The following SCGN variants were observed in gnomAD, a reference collection of about 807,000 sequenced individuals.
The protein encoded by SCGN is secretagogin, EF-hand calcium binding protein, also known as secretagogin.
SCGN carries 30 observed loss-of-function variants against 39.7 expected under a neutral mutation model. That is an observed-to-expected ratio of 0.76 (90% CI 0.57 to 1.03). The LOEUF (loss-of-function observed/expected upper bound fraction) is 1.03, where lower values mean the gene tolerates loss of function less well. Among genes scored for constraint, SCGN ranks in the 50% least tolerant of loss-of-function variants. SCGN has a pLI of 0.00. For missense variants in SCGN, 353 were observed against 349.4 expected, an observed-to-expected ratio of 1.01 and a Z score of -0.08; for synonymous variants, 106 against 114.1, an observed-to-expected ratio of 0.93 and a Z score of 0.45.
chr6:25,663,538 C>CAAGGTG (rs1760376745), intron 3 of SCGN, among the ~76,000 whole-genome samples: 1 of 152,092 alleles, frequency 6.6e-6, no homozygotes, highest in Admixed American at 6.5e-5. Flanking sequence ...TTAGTCTTCC[C>CAAGGTG]ATCAGGACCA....
chr6:25,653,467 AC>A lies in SCGN; in HGVS notation c.153+16del. ...TGGGTACTGATGTAAGTACTTGCAC[AC>A]TAAGCCTTAATTTATGCCTCTTAGT... is the stretch of plus-strand genomic sequence containing the variant. On this transcript the variant is annotated intron_variant, in intron 2 of 10. Transcript: ENST00000377961. 2 of 1,595,850 alleles carry A rather than the reference AC, an allele frequency of 1.3e-6. No homozygotes were observed.
At chr6:25,701,051 A>G (rs539075001) in intron 10 of SCGN, among the ~76,000 whole-genome samples, 156 bp from the exon 11 acceptor site, 34 of 152,264 alleles carry the variant, frequency 2.2e-4, no homozygotes, top group African/African-American at 7.9e-4. Flanking sequence ...CCTTGGCAGC[A>G]TTTGGTGGGA....
At chr6:25,698,053 C>A (rs1759860354) in intron 10 of SCGN, among the ~76,000 whole-genome samples, 1 of 152,200 alleles carries the variant, frequency 6.6e-6, no homozygotes, top group South Asian at 2.1e-4. Context: ...AACCTATCTG[C>A]ACTTATATTA....
At chr6:25,653,490 T>A in intron 2 of SCGN, 38 bp downstream of exon 2, 2 of 1,455,864 alleles carry the variant, frequency 1.4e-6, no homozygotes, top group Non-Finnish European at 1.9e-6. Context: ...TTATGCCTCT[T>A]AGTAAGATAC....
chr6:25,689,300 T>C (rs1759746796), intron 8 of SCGN, 83 bp downstream of exon 8: 3 of 1,191,640 alleles, frequency 2.5e-6, no homozygotes. Flanking sequence ...AAGGAAGGCA[T>C]CTATTTGCCC....
chr6:25,670,040 T>C lies in SCGN; in HGVS notation c.435T>C (p.Ile145=), dbSNP rs1325516889. 1.9e-6 allele frequency: 3 copies of C among 1,613,662 alleles called. No homozygotes were observed. Among genetic ancestry groups the C allele is most frequent in the Non-Finnish European group, 2.5e-6 (3 of 1,179,824 alleles). Residue 145 remains isoleucine (I), a synonymous_variant, in exon 6 of 11, where the codon ATT becomes ATC. Coordinates refer to ENST00000377961, the MANE Select transcript of SCGN (RefSeq NM_006998.4). ...TCTTTCTTCACCACAAAAAGGCCAT[T>C]TCTGAGGCTAAACTGGAAGAATACA... ...RDLFLHHKKA[I]SEAKLEEYTG...
At chr6:25,671,945 A>C (rs1365769016) in intron 6 of SCGN, among the ~76,000 whole-genome samples, 2 of 152,242 alleles carry the variant, frequency 1.3e-5, no homozygotes, top group East Asian at 1.9e-4. Flanking sequence ...GCATGTTGCC[A>C]GTATTTGTTT....
rs753122012 is a variant in SCGN, at chr6:25,670,007, C to G, written c.402C>G (p.Leu134=). 1.2e-6 allele frequency: 2 copies of G among 1,613,614 alleles called. No individual in the cohort carries two copies. The highest frequency in any genetic ancestry group is 1.7e-6 in the Non-Finnish European group (2 of 1,179,576). Residue 134 remains leucine, a synonymous_variant, in exon 6 of 11, where the codon CTC becomes CTG. Coordinates refer to ENST00000377961, the MANE Select transcript of SCGN (RefSeq NM_006998.4). The part of the protein sequence containing the change: ...FISAAELRNF[L]RDLFLHHKKA... ...TTCTCTTGGCGCCACAGAACTTCCT[C>G]CGAGACCTCTTTCTTCACCACAAAA...
intron 10 of SCGN, 128 bp downstream of exon 10, chr6:25,691,252 T>C (rs1215967890): frequency 2.9e-6 from 2 of 690,680 alleles, no homozygotes; most frequent in South Asian, 2.1e-5. Flanking sequence ...GTTTATTTAA[T>C]AACCTTTGAA....
intron 2 of SCGN, among the ~76,000 whole-genome samples, chr6:25,659,320 A>C (rs969188351): frequency 1.3e-5 from 2 of 152,218 alleles, no homozygotes; most frequent in African/African-American, 4.8e-5. Context: ...CTAATTTATT[A>C]ACGACTTAAT....
chr6:25,689,560 G>T, intron 9 of SCGN, 28 bp downstream of exon 9: 1 of 1,598,608 alleles, frequency 6.3e-7, no homozygotes, highest in Non-Finnish European at 8.6e-7. Flanking sequence ...TACTGTGCTG[G>T]CCATCTCTGA....
chr6:25,693,730 T>C (rs1465144479), intron 10 of SCGN, among the ~76,000 whole-genome samples: 5 of 152,226 alleles, frequency 3.3e-5, no homozygotes, highest in African/African-American at 1.2e-4. Context: ...TTTCTGATTA[T>C]AAAATTCTCT....
chr6:25,652,243 G>A lies in SCGN; in HGVS notation c.-161G>A. 4.8e-6 allele frequency: 3 copies of A among 620,828 alleles called. No individual in the cohort carries two copies. Among genetic ancestry groups the A allele is most frequent in the Non-Finnish European group, 8.5e-6 (3 of 353,636 alleles). The allele number at this position is 620,828 out of a possible 1,614,324, so 38.5% of individuals were successfully genotyped here. On this transcript the variant is annotated 5_prime_UTR_variant, in exon 1 of 11. Transcript: ENST00000377961. ...GAGGGCTGAGGGACGGCTCAGCGAC[G>A]CCACGGCCAGCAGCGCTCGCGTCCT...
At chr6:25,667,746 C>T (rs186983925) in intron 4 of SCGN, among the ~76,000 whole-genome samples, 2 of 152,092 alleles carry the variant, frequency 1.3e-5, no homozygotes, top group African/African-American at 4.8e-5. Flanking sequence ...TTCTGTTTGT[C>T]TGGAAATGTC....
chr6:25,678,110 C>T (rs540744999), intron 6 of SCGN, among the ~76,000 whole-genome samples: 5 of 152,274 alleles, frequency 3.3e-5, no homozygotes, highest in African/African-American at 1.2e-4. Flanking sequence ...GTTAATAAGA[C>T]ATTGTGTTCC....
At chr6:25,658,275 G>C (rs1195405592) in intron 2 of SCGN, among the ~76,000 whole-genome samples, 1 of 151,378 alleles carries the variant, frequency 6.6e-6, no homozygotes, top group Non-Finnish European at 1.5e-5. Flanking sequence ...TCCTGCCCTC[G>C]TGATCCACCC....
In SCGN at chr6:25,653,338, T is replaced by A. The variant is rs5005587; in HGVS notation, c.83-44T>A. The A allele has an allele frequency of 2.1e-3, 2,655 of 1,287,208 alleles. 36 individuals are homozygous for A. The African/African-American group carries it at 0.03, about 14-fold the overall frequency. 79.7% of individuals were successfully genotyped at this position (1,287,208 alleles called of 1,614,324 possible). On this transcript the variant is annotated intron_variant, in intron 1 of 10. Coordinates refer to ENST00000377961, the MANE Select transcript of SCGN (RefSeq NM_006998.4). ...TATTTAGATAAATACTGTCATGTGT[T>A]TTTTATATGTTAGTATTATTTATGT...
chr6:25,671,766 T>C (rs1759500787), intron 6 of SCGN, among the ~76,000 whole-genome samples: 2 of 151,914 alleles, frequency 1.3e-5, no homozygotes, highest in South Asian at 4.1e-4. Context: ...AAAAAGAAAA[T>C]TAGACAGAAA....
At chr6:25,652,751 C>T (rs1760156472) in intron 1 of SCGN, among the ~76,000 whole-genome samples, 1 of 152,060 alleles carries the variant, frequency 6.6e-6, no homozygotes, top group African/African-American at 2.4e-5. Context: ...ATATGGTAGA[C>T]ATACATATAT....
Sources: gnomAD v4.1 joint callset for allele counts (sites outside exome capture counted in the v4.1 genomes callset) on GRCh38, gnomAD v4.1.1 for gene constraint, MANE v1.5 for transcripts, NCBI Gene and HGNC (gene_info 2026-07-23, HGNC 2026-07-21) for gene names.